Variants in PTPN4 observed in about 807,000 individuals in gnomAD.
PTPN4 encodes the protein tyrosine-protein phosphatase non-receptor type 4.
A neutral mutation model predicts 135.5 loss-of-function variants in PTPN4; 49 were observed. That is an observed-to-expected ratio of 0.36 (90% CI 0.29 to 0.46). The LOEUF is 0.46. Among genes scored for constraint, PTPN4 ranks in the 20% least tolerant of loss-of-function variants. The pLI is 1.00. For missense variants in PTPN4, 860 were observed against 1,101.0 expected, an observed-to-expected ratio of 0.78 and a Z score of 3.10; for synonymous variants, 333 against 369.9, an observed-to-expected ratio of 0.90 and a Z score of 1.14.
At chr2:119,840,726 T>G (rs1270969108) in intron 2 of PTPN4, among the ~76,000 whole-genome samples, 1 of 152,222 alleles carries the variant, frequency 6.6e-6, no homozygotes, top group Non-Finnish European at 1.5e-5. Context: ...AAAACATTCC[T>G]TTTTCTCCAC....
In PTPN4 at chr2:119,952,129, G is replaced by A; in HGVS notation, c.1813G>A (p.Ala605Thr). Residue 605 changes from alanine (A) to threonine (T), a missense_variant and splice_region_variant, in exon 19 of 27, where the codon GCT (alanine) becomes ACT (threonine). Physicochemically the swap from Ala to Thr is moderately conservative, Grantham distance 58. Around this residue, in one of 2 missense-constraint regions of PTPN4, gnomAD observed 684 missense variants for 807.0 expected, o/e 0.85. Transcript: ENST00000263708. ...ACTCATGCTTCTAGTTCGACCTAAT[G>A]GTGAGTACTCTATGTAGTACCAGAT... Reference protein sequence around the residue: ...GELMLLVRPNAVYDVVEEKLE... With the variant: ...GELMLLVRPNTVYDVVEEKLE... 1 of 1,609,382 alleles carries A rather than the reference G, an allele frequency of 6.2e-7. No homozygotes were observed.
rs569658754 is a variant in PTPN4 at position 119,927,249 on chromosome 2, G to A, written c.1070+583G>A. ...CTGCCTCAGCCTCCCTAGTAGCTGGGATTACGCATGCCACCACACCTGGCT... is the reference window on the plus strand; with the variant it reads ...CTGCCTCAGCCTCCCTAGTAGCTGGAATTACGCATGCCACCACACCTGGCT... On this transcript the variant is annotated intron_variant, in intron 13 of 26. Transcript: ENST00000263708. Among the ~76,000 whole-genome samples the A allele has an allele frequency of 3.3e-3, 500 of 151,686 alleles. 4 individuals are homozygous for A. The highest frequency in any genetic ancestry group is 4.7e-3 in the Non-Finnish European group (318 of 67,894).
rs1439112849 is a variant in PTPN4 at position 119,760,015 on chromosome 2, G to C, written c.-387G>C. Reference sequence around the variant, plus strand: ...TCTCTCAGGACTCCTGGGTCCCAGGGGCCGGAATTGGGCCTGAGCGGGAGA... The same window carrying C: ...TCTCTCAGGACTCCTGGGTCCCAGGCGCCGGAATTGGGCCTGAGCGGGAGA... On this transcript the variant is annotated 5_prime_UTR_variant, in exon 1 of 27. Transcript: ENST00000263708. 4 of 382,632 alleles carry C rather than the reference G, an allele frequency of 1.0e-5. No homozygotes were observed. Among genetic ancestry groups the C allele is most frequent in the Non-Finnish European group, 1.8e-5 (4 of 216,256 alleles). The allele number at this position is 382,632 out of a possible 1,614,324, so 23.7% of individuals were successfully genotyped here. A position where few individuals can be genotyped will look rare whatever the true frequency, so the allele number is the denominator to read the frequency against.
intron 26 of PTPN4, 44 bp from the exon 27 acceptor site, chr2:119,976,940 C>G (rs1679626795): frequency 6.4e-7 from 1 of 1,573,334 alleles, no homozygotes; most frequent in African/African-American, 1.4e-5. Context: ...GGACGGTTTT[C>G]TGACTTTTCT....
Position 119,809,814 on chromosome 2 carries a change from GA to G in PTPN4, c.-17-21del, listed in dbSNP as rs766011579. The G allele has an allele frequency of 6.8e-5, 103 of 1,505,140 alleles. No individual in the cohort carries two copies. In the African/African-American group the frequency reaches 1.0e-3, roughly 15 times the overall value. The allele number at this position is 1,505,140 out of a possible 1,614,324, so 93.2% of individuals were successfully genotyped here. A position where few individuals can be genotyped will look rare whatever the true frequency, so the allele number is the denominator to read the frequency against. Reference sequence around the variant, plus strand: ...ATATTTTACGAACCTTTTATTTAGTGAATTTTTTTTTTTTTAACTTAGACTT... The same window carrying G: ...ATATTTTACGAACCTTTTATTTAGTGATTTTTTTTTTTTTAACTTAGACTT... On this transcript the variant is annotated intron_variant, in intron 1 of 26. Transcript: ENST00000263708.
At chr2:119,943,580 C>CTTTTTTTTT (rs70949374) in intron 15 of PTPN4, among the ~76,000 whole-genome samples, 806 of 79,848 alleles carry the variant, frequency 0.01, 2 homozygotes, top group Non-Finnish European at 0.011. Flanking sequence ...TCATTTTTTT[C>CTTTTTTTTT]TTTTTTTTTT....
chr2:119,867,961 G>A (rs1016863881), intron 3 of PTPN4, among the ~76,000 whole-genome samples: 3 of 152,158 alleles, frequency 2.0e-5, no homozygotes, highest in African/African-American at 4.8e-5. Flanking sequence ...GGGCAAAGAT[G>A]AATAGAAGTG....
intron 1 of PTPN4, among the ~76,000 whole-genome samples, chr2:119,778,256 A>G (rs940676935): frequency 6.6e-6 from 1 of 152,224 alleles, no homozygotes; most frequent in Non-Finnish European, 1.5e-5. Flanking sequence ...AGAGAGGGAA[A>G]GAACTAGCTG....
intron 18 of PTPN4, among the ~76,000 whole-genome samples, chr2:119,950,341 T>C (rs1430625541): frequency 1.3e-5 from 2 of 152,176 alleles, no homozygotes; most frequent in African/African-American, 4.8e-5. Flanking sequence ...ACTACATAAG[T>C]AGACAAAAAA....
At chr2:119,772,060 T>C (rs2104921289) in intron 1 of PTPN4, among the ~76,000 whole-genome samples, 1 of 152,364 alleles carries the variant, frequency 6.6e-6, no homozygotes, top group Middle Eastern at 3.4e-3. Flanking sequence ...GTGTGTTTCT[T>C]TTTTAGATAC....
At position 119,887,910 on chromosome 2, in the gene PTPN4, G is replaced by A. The variant is rs887702419; in HGVS notation, c.675+2028G>A. Among the ~76,000 whole-genome samples, 4 of 152,086 alleles carry A rather than the reference G, an allele frequency of 2.6e-5. No individual in the cohort carries two copies. The South Asian group carries it at 6.2e-4, about 24-fold the overall frequency. On this transcript the variant is annotated intron_variant, in intron 9 of 26. Transcript: ENST00000263708. Reference sequence around the variant, plus strand: ...TGTTTTTTCTAATTCTATGAAGAACGATGTTGGTATTTTGATAGGGATTGC... The same window carrying A: ...TGTTTTTTCTAATTCTATGAAGAACAATGTTGGTATTTTGATAGGGATTGC...
At chr2:119,968,615 C>T (rs1679479201) in intron 26 of PTPN4, among the ~76,000 whole-genome samples, 1 of 152,122 alleles carries the variant, frequency 6.6e-6, no homozygotes, top group South Asian at 2.1e-4. Context: ...CACAGTGAAA[C>T]CCCGTCTCTA....
chr2:119,957,286 T>C (rs991630767), intron 22 of PTPN4, among the ~76,000 whole-genome samples: 10 of 152,192 alleles, frequency 6.6e-5, no homozygotes, highest in African/African-American at 2.2e-4. Flanking sequence ...AGTTCATAAA[T>C]AGACTTAGAT....
chr2:119,793,381 C>T (rs1211800218), intron 1 of PTPN4, among the ~76,000 whole-genome samples: 1 of 152,190 alleles, frequency 6.6e-6, no homozygotes, highest in Non-Finnish European at 1.5e-5. Context: ...CCCTTGTCCC[C>T]TGAACATCGC....
At chr2:119,846,556 T>C (rs1441180712) in intron 2 of PTPN4, among the ~76,000 whole-genome samples, 2 of 150,988 alleles carry the variant, frequency 1.3e-5, no homozygotes, top group African/African-American at 5.0e-5. Flanking sequence ...CGTCTTATTT[T>C]TTTTTTTTAC....
chr2:119,807,663 C>G lies in PTPN4; in HGVS notation c.-17-2174C>G, dbSNP rs142600807. ...CAAGAGTTACAAAGCGGAGCTCGTACCATTCCTTCTGAAACTATTCCAATC... is the reference window on the plus strand; with the variant it reads ...CAAGAGTTACAAAGCGGAGCTCGTAGCATTCCTTCTGAAACTATTCCAATC... On this transcript the variant is annotated intron_variant, in intron 1 of 26. Transcript: ENST00000263708. 2.3e-3 allele frequency among the ~76,000 whole-genome samples: 344 copies of G among 152,304 alleles called. 8 individuals are homozygous for G. The East Asian group carries it at 0.055, about 24-fold the overall frequency.
At chr2:119,805,836 A>G (rs1335461777) in intron 1 of PTPN4, among the ~76,000 whole-genome samples, 1 of 152,110 alleles carries the variant, frequency 6.6e-6, no homozygotes, top group Non-Finnish European at 1.5e-5. Context: ...TGTTAGCTTG[A>G]TGGGGATGGC....
intron 2 of PTPN4, among the ~76,000 whole-genome samples, chr2:119,841,857 G>A (rs570074931): frequency 1.3e-5 from 2 of 152,134 alleles, no homozygotes; most frequent in East Asian, 3.8e-4. Context: ...TAAGCTTGCT[G>A]TTGTTTCTTT....
chr2:119,895,693 A>T (rs998116587), intron 9 of PTPN4, among the ~76,000 whole-genome samples: 3 of 152,070 alleles, frequency 2.0e-5, no homozygotes, highest in Non-Finnish European at 4.4e-5. Flanking sequence ...AGGCCAAGGC[A>T]GGCGGATCAC....
Sources: gnomAD v4.1 joint callset for allele counts (sites outside exome capture counted in the v4.1 genomes callset) on GRCh38, gnomAD v4.1.1 for gene constraint, gnomAD v4.1.1 regional missense constraint, MANE v1.5 for transcripts, NCBI Gene and HGNC (gene_info 2026-07-23, HGNC 2026-07-21) for gene names.